The following SEMA6D variants were observed in gnomAD, a reference collection of about 807,000 sequenced individuals.
SEMA6D encodes semaphorin 6D, also known as semaphorin-6D.
In SEMA6D, 35 loss-of-function variants were observed where a neutral mutation model predicts 106.6. The ratio of observed to expected loss-of-function variants is 0.33; its 90% CI spans 0.25 to 0.44. The LOEUF is 0.44. Ranked by LOEUF, SEMA6D falls within the 20% of genes least tolerant of loss-of-function variation. The pLI, the probability that SEMA6D is intolerant of heterozygous loss-of-function variation, is 1.00. For synonymous variants in SEMA6D, 499 were observed against 487.7 expected (o/e 1.02, Z -0.31); for missense variants, 1,185 against 1,345.9 (o/e 0.88, Z 1.87).
chr15:47,730,201 C>T (rs2080023686), intron 1 of SEMA6D: 3 of 1,547,050 alleles, frequency 1.9e-6, no homozygotes, highest in African/African-American at 1.4e-5. Flanking sequence ...CGATGCGAGC[C>T]ACAGACTTAG....
Position 47,763,850 on chromosome 15 carries a change from G to C in SEMA6D, c.748G>C (p.Ala250Pro). 1.2e-6 allele frequency: 2 copies of C among 1,612,534 alleles called. No individual in the cohort carries two copies. The change falls in exon 10 of 19, where the codon GCT becomes CCT. Residue 250 changes from alanine (A) to proline (P), a missense_variant and splice_region_variant. By Grantham distance (27) the Ala-to-Pro change is conservative. This residue lies in a region of SEMA6D where 291 missense variants were observed against 423.8 expected (regional missense o/e 0.69). Transcript: ENST00000536845. ...IAVEHNNLGK[A>P]VYSRVARICK... Reference sequence around the variant, plus strand: ...TGCTTTGCTTCTATCCGTTGGGCAGGCTGTGTATTCCCGCGTGGCCCGCAT... The same window carrying C: ...TGCTTTGCTTCTATCCGTTGGGCAGCCTGTGTATTCCCGCGTGGCCCGCAT...
chr15:47,263,908 C>G (rs1431421446), intron 1 of SEMA6D, among the ~76,000 whole-genome samples: 12 of 150,570 alleles, frequency 8.0e-5, no homozygotes, highest in Non-Finnish European at 1.6e-4. Flanking sequence ...CTATTCATTG[C>G]AACACTATTC....
Position 47,701,251 on chromosome 15 carries a change from G to T in SEMA6D, c.-54-58494G>T, listed in dbSNP as rs1024803562. ...AAGAACACTTAAAACTCAATAATAA[G>T]AAAACAAACAACCCAATTAAAAAAT... On this transcript the variant is annotated intron_variant, in intron 4 of 19. Transcript: ENST00000558014. 2.0e-5 allele frequency among the ~76,000 whole-genome samples: 3 copies of T among 151,918 alleles called. 1 individual carries two copies. Among genetic ancestry groups the T allele is most frequent in the Non-Finnish European group, 4.4e-5 (3 of 67,990 alleles).
chr15:47,358,493 A>G (rs1411006826), intron 1 of SEMA6D, among the ~76,000 whole-genome samples: 1 of 152,222 alleles, frequency 6.6e-6, no homozygotes, highest in Non-Finnish European at 1.5e-5. Context: ...GGAGCTTATC[A>G]TGGTCTTTTG....
intron 3 of SEMA6D, among the ~76,000 whole-genome samples, chr15:47,521,984 C>CAA (rs61136000): frequency 6.1e-5 from 5 of 82,042 alleles, no homozygotes; most frequent in African/African-American, 8.1e-5. Context: ...GACTCCGTCT[C>CAA]AAAAAAAAAA....
At chr15:47,658,325 A>G (rs992899520) in intron 4 of SEMA6D, among the ~76,000 whole-genome samples, 3 of 152,166 alleles carry the variant, frequency 2.0e-5, no homozygotes, top group African/African-American at 7.2e-5. Context: ...GTAGAAACCT[A>G]TGTGGCTATA....
At chr15:47,618,549 G>A (rs941919233) in intron 4 of SEMA6D, among the ~76,000 whole-genome samples, 6 of 152,124 alleles carry the variant, frequency 3.9e-5, no homozygotes, top group Non-Finnish European at 7.3e-5. Context: ...GAATTAATTG[G>A]GTCACTTTTG....
chr15:47,611,184 C>T (rs2076896479), intron 4 of SEMA6D, among the ~76,000 whole-genome samples: 1 of 150,748 alleles, frequency 6.6e-6, no homozygotes, highest in Non-Finnish European at 1.5e-5. Flanking sequence ...CACACACACA[C>T]ACGCATGCAC....
intron 1 of SEMA6D, among the ~76,000 whole-genome samples, chr15:47,292,716 C>T (rs888068555): frequency 3.3e-5 from 5 of 152,080 alleles, no homozygotes; most frequent in Admixed American, 1.3e-4. Flanking sequence ...CAAATCACAG[C>T]GTATATTGTG....
At chr15:47,612,529 C>T (rs921838641) in intron 4 of SEMA6D, among the ~76,000 whole-genome samples, 1 of 152,146 alleles carries the variant, frequency 6.6e-6, no homozygotes, top group Admixed American at 6.5e-5. Context: ...CCTCATGCTC[C>T]TTTTCATAGT....
rs574145656 is a variant in SEMA6D at position 47,191,420 on chromosome 15, T to G, written c.-239+7002T>G. On this transcript the variant is annotated intron_variant, in intron 1 of 19. Coordinates refer to the SEMA6D transcript ENST00000558014. ...TTAACACTTTTGAATAATTTGTTCT[T>G]AGGCCTGTTACCTTTTATGGAAAGG... Among the ~76,000 whole-genome samples, 277 of 152,288 alleles carry G rather than the reference T, an allele frequency of 1.8e-3. 4 individuals are homozygous for G. Among genetic ancestry groups the G allele is most frequent in the African/African-American group, 6.2e-3 (258 of 41,564 alleles).
At chr15:47,732,400 A>T (rs995260012) in intron 1 of SEMA6D, among the ~76,000 whole-genome samples, 14 of 152,188 alleles carry the variant, frequency 9.2e-5, no homozygotes, top group African/African-American at 3.4e-4. Flanking sequence ...TCAAGGTGAG[A>T]ATCCAACAGA....
At chr15:47,677,018 C>G (rs1384632876) in intron 4 of SEMA6D, among the ~76,000 whole-genome samples, 1 of 152,068 alleles carries the variant, frequency 6.6e-6, no homozygotes, top group Non-Finnish European at 1.5e-5. Context: ...ACCTAGATCC[C>G]TTGGAGGCAC....
intron 3 of SEMA6D, among the ~76,000 whole-genome samples, chr15:47,574,903 C>T (rs867706400): frequency 5.9e-5 from 9 of 152,196 alleles, no homozygotes; most frequent in Non-Finnish European, 1.2e-4. Flanking sequence ...GGTCTAAATA[C>T]ACTAATCTAC....
intron 1 of SEMA6D, among the ~76,000 whole-genome samples, chr15:47,306,019 G>A (rs905834972): frequency 4.0e-5 from 6 of 151,014 alleles, no homozygotes; most frequent in South Asian, 4.2e-4. Context: ...GTCTTGCTCC[G>A]TTGCCAGGCT....
chr15:47,683,712 G>T (rs549649186), intron 4 of SEMA6D, among the ~76,000 whole-genome samples: 2 of 152,096 alleles, frequency 1.3e-5, no homozygotes, highest in Non-Finnish European at 2.9e-5. Flanking sequence ...ACACACAAAC[G>T]AGTTATTTAA....
chr15:47,647,364 A>G lies in SEMA6D; in HGVS notation c.-55+46468A>G, dbSNP rs895199015. 4.6e-5 allele frequency among the ~76,000 whole-genome samples: 7 copies of G among 152,198 alleles called. No individual in the cohort carries two copies. In the East Asian group the frequency reaches 5.8e-4, roughly 13 times the overall value. On this transcript the variant is annotated intron_variant, in intron 4 of 19. Coordinates refer to the SEMA6D transcript ENST00000558014. ...CAAGTGCTATTGAAGCTCACTTTGAACTAACAGGATTACATGATCGGAATT... is the reference window on the plus strand; with the variant it reads ...CAAGTGCTATTGAAGCTCACTTTGAGCTAACAGGATTACATGATCGGAATT...
chr15:47,316,895 G>C (rs764385984), intron 1 of SEMA6D, among the ~76,000 whole-genome samples: 1 of 151,952 alleles, frequency 6.6e-6, no homozygotes, highest in Admixed American at 6.6e-5. Context: ...TAACATCTTC[G>C]GTTTGGGGAC....
chr15:47,712,887 G>A (rs566199473), upstream of SEMA6D, among the ~76,000 whole-genome samples: 1 of 152,180 alleles, frequency 6.6e-6, no homozygotes, highest in Admixed American at 6.5e-5. Flanking sequence ...TCAAAGTACA[G>A]ATAAGCACAA....
Sources: allele counts gnomAD v4.1 joint callset (sites outside exome capture counted in the v4.1 genomes callset), GRCh38; gene constraint gnomAD v4.1.1; regional missense constraint gnomAD v4.1.1; transcripts MANE v1.5; gene names NCBI Gene and HGNC (gene_info 2026-07-23, HGNC 2026-07-21).